SH3BP4: variants seen among roughly 807,000 people sequenced by gnomAD.
The protein encoded by SH3BP4 is SH3 domain binding protein 4, also known as SH3 domain-binding protein 4.
A neutral mutation model predicts 65.5 loss-of-function variants in SH3BP4; 33 were observed. That is an observed-to-expected ratio of 0.50 (90% CI 0.38 to 0.67). SH3BP4 has a LOEUF of 0.67. Among genes scored for constraint, SH3BP4 ranks in the 30% least tolerant of loss-of-function variants. SH3BP4 has a pLI of 0.00. For synonymous variants in SH3BP4, 552 were observed against 545.5 expected, an observed-to-expected ratio of 1.01 and a Z score of -0.17; for missense variants, 1,134 against 1,261.4, an observed-to-expected ratio of 0.90 and a Z score of 1.53.
At chr2:234,998,225 TGCCTGGG>T (rs991233158) in intron 2 of SH3BP4, among the ~76,000 whole-genome samples, 3 of 152,190 alleles carry the variant, frequency 2.0e-5, no homozygotes, top group African/African-American at 7.2e-5. Context: ...CTTAGCTGGG[TGCCTGGG>T]GGGGCACGTG....
Position 234,967,435 on chromosome 2 carries a change from G to T in SH3BP4, c.-207+15265G>T, listed in dbSNP as rs752861366. On this transcript the variant is annotated intron_variant, in intron 1 of 5. Transcript: ENST00000392011. This position sits in a 1 kb window ranked among gnomAD's most constrained non-coding sequence, Gnocchi z 4.6. ...AGGGGAAGGCCCTAACACCAAGAGG[G>T]TGTGGAGCTGCGGTCTCACCACTAC... is the stretch of plus-strand genomic sequence containing the variant. 6.6e-6 allele frequency among the ~76,000 whole-genome samples: 1 copy of T among 152,110 alleles called. No individual in the cohort carries two copies. Among genetic ancestry groups the T allele is most frequent in the Admixed American group, 6.5e-5 (1 of 15,274 alleles).
chr2:234,953,101 G>A (rs1345445291), intron 1 of SH3BP4: 2 of 152,280 alleles, frequency 1.3e-5, no homozygotes, highest in South Asian at 2.1e-4. Context: ...CACTGTGCGA[G>A]ATTGTATTCC....
rs1247072733 is a variant in SH3BP4, at chr2:235,046,635, T to A, written c.2478+3388T>A. ...ATGTTCTTGTGCACTTGTTTCTCATTATTACTCTAACTGAACATAGGTCCC... is the reference window on the plus strand; with the variant it reads ...ATGTTCTTGTGCACTTGTTTCTCATAATTACTCTAACTGAACATAGGTCCC... On this transcript the variant is annotated intron_variant, in intron 4 of 5. Transcript: ENST00000392011. This position sits in a 1 kb window ranked among gnomAD's most constrained non-coding sequence, Gnocchi z 4.2. 6.6e-6 allele frequency among the ~76,000 whole-genome samples: 1 copy of A among 152,112 alleles called. No homozygotes were observed. Among genetic ancestry groups the A allele is most frequent in the Non-Finnish European group, 1.5e-5 (1 of 68,026 alleles).
rs1258722963 is a variant in SH3BP4 at position 234,997,605 on chromosome 2, T to C, written c.-133+2229T>C. Among the ~76,000 whole-genome samples the C allele has an allele frequency of 6.6e-6, 1 of 152,066 alleles. No homozygotes were observed. The highest frequency in any genetic ancestry group is 1.9e-4 in the East Asian group (1 of 5,170). ...AGTGTCAGCTAGGGGACGGAGCCGG[T>C]GCGGAGATCGAGGCCCCACAAGGCC... On this transcript the variant is annotated intron_variant, in intron 2 of 5. Transcript: ENST00000392011. This position sits in a 1 kb window ranked among gnomAD's most constrained non-coding sequence, Gnocchi z 4.2.
intron 1 of SH3BP4, among the ~76,000 whole-genome samples, chr2:234,964,821 C>T (rs890654): frequency 0.92 from 140,726 of 152,148 alleles, 65,569 homozygotes; most frequent in Non-Finnish European, 0.97. Flanking sequence ...CGCGATTAGA[C>T]GTGTAAGCGT....
chr2:234,983,347 A>G (rs1430655039), intron 1 of SH3BP4: 1 of 152,246 alleles, frequency 6.6e-6, no homozygotes, highest in Admixed American at 6.5e-5. Context: ...TGCACCTGCT[A>G]TGTTCCAGGT....
At position 235,042,973 on chromosome 2, in the gene SH3BP4, T is replaced by C; in HGVS notation, c.2204T>C (p.Leu735Pro). Residue 735 changes from leucine to proline, a missense_variant, in exon 4 of 6, where the codon CTG becomes CCG. Coordinates refer to ENST00000392011, the MANE Select transcript of SH3BP4 (RefSeq NM_014521.3). This position sits in a 1 kb window ranked among gnomAD's most constrained non-coding sequence, Gnocchi z 7.3. The part of the protein sequence containing the change: ...ARPSLCSGPE[L>P]STSVLLEQIL... The stretch of plus-strand genomic sequence containing the variant: ...CCCAGCCTGTGCTCGGGCCCCGAGC[T>C]GAGCACCTCGGTGCTGCTGGAGCAG... The C allele has an allele frequency of 6.2e-7, 1 of 1,612,684 alleles. No individual in the cohort carries two copies. Among genetic ancestry groups the C allele is most frequent in the Non-Finnish European group, 8.5e-7 (1 of 1,179,354 alleles).
At position 235,026,876 on chromosome 2, in the gene SH3BP4, T is replaced by C. The variant is rs926112887; in HGVS notation, c.-132-7995T>C. Among the ~76,000 whole-genome samples, 8 of 152,134 alleles carry C rather than the reference T, an allele frequency of 5.3e-5. No homozygotes were observed. Among genetic ancestry groups the C allele is most frequent in the African/African-American group, 1.9e-4 (8 of 41,452 alleles). On this transcript the variant is annotated intron_variant, in intron 2 of 5. Transcript: ENST00000392011. The surrounding 1 kb of genome is among the most constrained non-coding windows in gnomAD (Gnocchi z 4.6). ...GTCGGTGGCTGCCCATGCCTTCCGA[T>C]GGGCCTTGCTGTTTTCTCCCCCAGG... is the stretch of plus-strand genomic sequence containing the variant.
chr2:235,034,916 T>C lies in SH3BP4; in HGVS notation c.-87T>C. The C allele has an allele frequency of 1.7e-6, 2 of 1,165,800 alleles. No individual in the cohort carries two copies. The highest frequency in any genetic ancestry group is 2.5e-6 in the Non-Finnish European group (2 of 788,628). 72.2% of individuals were successfully genotyped at this position (1,165,800 alleles called of 1,614,324 possible). ...GGATGCCGCCGCGCAGCGTGTTTGC[T>C]TGAGGCAGAAGCTTCAGCATCTGCT... is the stretch of plus-strand genomic sequence containing the variant. On this transcript the variant is annotated 5_prime_UTR_variant, in exon 3 of 6. Transcript: ENST00000392011. This position sits in a 1 kb window ranked among gnomAD's most constrained non-coding sequence, Gnocchi z 6.2.
chr2:234,983,844 GCTCACCCC>G (rs1352527868), intron 1 of SH3BP4, among the ~76,000 whole-genome samples: 3 of 152,246 alleles, frequency 2.0e-5, no homozygotes, highest in Non-Finnish European at 4.4e-5. Flanking sequence ...CACAGAAGCA[GCTCACCCC>G]CTCGGAGCCT....
At chr2:235,018,594 T>C (rs778215786) in intron 2 of SH3BP4, among the ~76,000 whole-genome samples, 4 of 152,242 alleles carry the variant, frequency 2.6e-5, no homozygotes. Context: ...AGATAGGTAT[T>C]ATTACGAGTA....
Position 235,052,159 on chromosome 2 carries a change from G to A in SH3BP4, c.2479-403G>A, listed in dbSNP as rs776085247. ...CTTGGCTTGTTGCCGCATCTGTCCCGTCTCTGCCTCCGTCTTCACACGGCC... is the reference window on the plus strand; with the variant it reads ...CTTGGCTTGTTGCCGCATCTGTCCCATCTCTGCCTCCGTCTTCACACGGCC... On this transcript the variant is annotated intron_variant, in intron 4 of 5. Transcript: ENST00000392011. The surrounding 1 kb of genome is among the most constrained non-coding windows in gnomAD (Gnocchi z 5.0). 1.3e-4 allele frequency among the ~76,000 whole-genome samples: 19 copies of A among 151,112 alleles called. No homozygotes were observed. Among genetic ancestry groups the A allele is most frequent in the Admixed American group, 2.6e-4 (4 of 15,160 alleles).
intron 2 of SH3BP4, chr2:234,995,814 G>A (rs1260827048): frequency 6.6e-6 from 1 of 152,326 alleles, no homozygotes; most frequent in Non-Finnish European, 1.5e-5. Flanking sequence ...ACACAAAGGA[G>A]GGATTGTTCT....
chr2:235,004,929 C>G (rs1694246338), intron 2 of SH3BP4, among the ~76,000 whole-genome samples: 1 of 152,190 alleles, frequency 6.6e-6, no homozygotes, highest in Admixed American at 6.5e-5. Flanking sequence ...CCTTCTCCTC[C>G]ACCCCATGCC....
chr2:234,998,846 A>G (rs1462662221), intron 2 of SH3BP4, among the ~76,000 whole-genome samples: 1 of 152,178 alleles, frequency 6.6e-6, no homozygotes, highest in Non-Finnish European at 1.5e-5. Context: ...CAGAGAAACT[A>G]AGGCCAGCGT....
rs1355374353 is a variant in SH3BP4, at chr2:234,997,061, T to G, written c.-133+1685T>G. Among the ~76,000 whole-genome samples, 2 of 152,172 alleles carry G rather than the reference T, an allele frequency of 1.3e-5. No individual in the cohort carries two copies. The highest frequency in any genetic ancestry group is 4.8e-5 in the African/African-American group (2 of 41,434). On this transcript the variant is annotated intron_variant, in intron 2 of 5. Transcript: ENST00000392011. This position sits in a 1 kb window ranked among gnomAD's most constrained non-coding sequence, Gnocchi z 4.2. ...TGTCTCCGTGGCGGGCACACAGGCT[T>G]CCGGGAGCCCGGTGAGGGAGGTGCA...
chr2:235,029,819 C>G (rs978274563), intron 2 of SH3BP4, among the ~76,000 whole-genome samples: 1 of 152,162 alleles, frequency 6.6e-6, no homozygotes, highest in African/African-American at 2.4e-5. Flanking sequence ...GCCGTGGGCT[C>G]TGGGCTACCT....
intron 2 of SH3BP4, among the ~76,000 whole-genome samples, chr2:234,998,459 T>C (rs1247006261): frequency 2.6e-5 from 4 of 152,258 alleles, no homozygotes; most frequent in Non-Finnish European, 4.4e-5. Context: ...CCTGCACACC[T>C]CCTGCCTGGA....
intron 2 of SH3BP4, among the ~76,000 whole-genome samples, chr2:235,013,388 A>T (rs1222097152): frequency 6.6e-6 from 1 of 152,134 alleles, no homozygotes; most frequent in South Asian, 2.1e-4. Flanking sequence ...TGTGCTTCCC[A>T]GCACTCCTGC....
Sources: gnomAD v4.1 joint callset for allele counts (sites outside exome capture counted in the v4.1 genomes callset) on GRCh38, gnomAD v4.1.1 for gene constraint, Gnocchi (gnomAD v3.1) non-coding constraint, MANE v1.5 for transcripts, NCBI Gene and HGNC (gene_info 2026-07-23, HGNC 2026-07-21) for gene names.